Variants in APEH observed in about 807,000 individuals in gnomAD.
APEH encodes the protein acylaminoacyl-peptide hydrolase.
In APEH, 75 loss-of-function variants were observed where a neutral mutation model predicts 102.7. The ratio of observed to expected loss-of-function variants is 0.73; its 90% confidence interval spans 0.61 to 0.89. The LOEUF is 0.89. APEH is among the 40% of genes least tolerant of loss of function. The pLI, the probability that APEH is intolerant of heterozygous loss-of-function variation, is 0.00. For missense variants in APEH, 863 were observed against 941.2 expected (o/e 0.92, Z 1.09); for synonymous variants, 344 against 362.7 (o/e 0.95, Z 0.59).
rs770263390 is a variant in APEH, at chr3:49,674,602, A to G, written c.126A>G (p.Gln42=). The change falls in exon 2 of 22, where the codon CAA becomes CAG. Residue 42 remains glutamine (Q), a synonymous_variant. Transcript: ENST00000296456. ...GPEVTTQYGG[Q]YRTVHTEWTQ... ...AGGTCACCACGCAGTACGGCGGCCAATACCGGACGGTGCACACTGGTGTGT... is the reference window on the plus strand; with the variant it reads ...AGGTCACCACGCAGTACGGCGGCCAGTACCGGACGGTGCACACTGGTGTGT... The G allele has an allele frequency of 7.6e-6, 12 of 1,584,310 alleles. No individual in the cohort carries two copies. Among genetic ancestry groups the G allele is most frequent in the South Asian group, 2.3e-5 (2 of 88,418 alleles).
At position 49,681,257 on chromosome 3, in the gene APEH, C is replaced by G. The variant is rs757576799; in HGVS notation, c.1438+18C>G. On this transcript the variant is annotated intron_variant, in intron 15 of 21. Coordinates refer to ENST00000296456, the MANE Select transcript of APEH (RefSeq NM_001640.4). Reference sequence around the variant, plus strand: ...GCAGTATGGTGAGCTGGGCCAGGGGCAGAGGGATGCCTTCTCCAGGTTCCC... The same window carrying G: ...GCAGTATGGTGAGCTGGGCCAGGGGGAGAGGGATGCCTTCTCCAGGTTCCC... 1.3e-6 allele frequency: 2 copies of G among 1,530,980 alleles called. No homozygotes were observed. Among genetic ancestry groups the G allele is most frequent in the South Asian group, 2.5e-5 (2 of 79,684 alleles). The allele number at this position is 1,530,980 out of a possible 1,614,324, so 94.8% of individuals were successfully genotyped here. A position where few individuals can be genotyped will look rare whatever the true frequency, so the allele number is the denominator to read the frequency against.
Position 49,680,550 on chromosome 3 carries a change from G to C in APEH, c.1220G>C (p.Gly407Ala), listed in dbSNP as rs148997471. 33 of 1,613,982 alleles carry C rather than the reference G, an allele frequency of 2.0e-5. No individual in the cohort carries two copies. Among genetic ancestry groups the C allele is most frequent in the Non-Finnish European group, 2.5e-5 (30 of 1,180,018 alleles). ...CATCTGCCTTTTCCAGGAGGGTCAG[G>C]TGGGAGCTGGAAGTTGCTCACAATT... Reference protein sequence around the residue: ...TVTSLTAGGSGGSWKLLTIDQ... With the variant: ...TVTSLTAGGSAGSWKLLTIDQ... Residue 407 changes from glycine (G) to alanine (A), a missense_variant, in exon 14 of 22, where the codon GGT becomes GCT. Physicochemically the swap from Gly to Ala is moderately conservative, Grantham distance 60. Coordinates refer to ENST00000296456, the MANE Select transcript of APEH (RefSeq NM_001640.4).
chr3:49,681,576 G>C, intron 15 of APEH, 146 bp from the exon 16 acceptor site: 6 of 733,006 alleles, frequency 8.2e-6, no homozygotes, highest in Non-Finnish European at 1.3e-5. Flanking sequence ...AGAAGTATGA[G>C]CCTTCTGGGG....
chr3:49,680,352 A>G (rs2108125430), intron 13 of APEH, 189 bp from the exon 14 acceptor site: 1 of 576,658 alleles, frequency 1.7e-6, no homozygotes, highest in South Asian at 1.9e-5. Flanking sequence ...AGTGTCTGTC[A>G]GATGAACAAC....
At position 49,679,604 on chromosome 3, in the gene APEH, T is replaced by C. The variant is rs2053228067; in HGVS notation, c.1170T>C (p.Ala390=). 1 of 1,613,920 alleles carries C rather than the reference T, an allele frequency of 6.2e-7. No individual in the cohort carries two copies. ...SAQRSRQDLF[A]VDTQVGTVTS... ...TGCCTCTGCTTCAGGACCTGTTTGC[T>C]GTGGACACCCAAGTGGGCACTGTGA... The change falls in exon 13 of 22, where the codon GCT becomes GCC. Residue 390 remains alanine (A), a synonymous_variant. Transcript: ENST00000296456. The surrounding 1 kb of genome is among the most constrained non-coding windows in gnomAD (Gnocchi z 4.3).
At chr3:49,682,776 C>T in intron 19 of APEH, 40 bp downstream of exon 19, 1 of 1,613,552 alleles carries the variant, frequency 6.2e-7, no homozygotes, top group Non-Finnish European at 8.5e-7. Flanking sequence ...CCCTCCTCTA[C>T]CTCAAATTCT....
intron 10 of APEH, 111 bp from the exon 11 acceptor site, chr3:49,677,462 G>A: frequency 1.0e-6 from 1 of 982,018 alleles, no homozygotes; most frequent in Non-Finnish European, 1.6e-6. Flanking sequence ...GCTTATTCCA[G>A]TTCCCCCATC....
At position 49,676,922 on chromosome 3, in the gene APEH, C is replaced by G; in HGVS notation, c.897C>G (p.Ser299=). ...GGKCELLSDD[S]LAVSSPRLSP... is the part of the protein sequence containing the mutation. ...GCCCAGAGCTCCTCTCGGATGACTC[C>G]CTGGCTGTCTCTTCTCCCCGGCTGA... The change falls in exon 10 of 22, where the codon TCC becomes TCG. Residue 299 remains serine, a synonymous_variant. Coordinates refer to ENST00000296456, the MANE Select transcript of APEH (RefSeq NM_001640.4). 6.2e-7 allele frequency: 1 copy of G among 1,614,190 alleles called. No individual in the cohort carries two copies. Among genetic ancestry groups the G allele is most frequent in the East Asian group, 2.2e-5 (1 of 44,886 alleles).
intron 2 of APEH, 130 bp downstream of exon 2, chr3:49,674,751 C>T (rs771857004): frequency 6.7e-5 from 86 of 1,278,020 alleles, no homozygotes; most frequent in Non-Finnish European, 8.9e-5. Flanking sequence ...TTGGAGGTTA[C>T]ACTCCCACAG....
At chr3:49,674,092 T>C, upstream of APEH, 1 of 455,594 alleles carries the variant, frequency 2.2e-6, no homozygotes, top group Non-Finnish European at 3.9e-6. Flanking sequence ...TCCTCCGAGA[T>C]CCAACGCCTC....
intron 17 of APEH, 123 bp downstream of exon 17, chr3:49,682,090 T>A: frequency 8.7e-7 from 1 of 1,145,818 alleles, no homozygotes; most frequent in Non-Finnish European, 1.3e-6. Flanking sequence ...CTAGACCTAG[T>A]AACCACTACC....
In APEH at chr3:49,683,381, C is replaced by G; in HGVS notation, c.*39C>G. ...TGCATGAGCTGATCAGCCTGTGCCA[C>G]ACTTCGCTCTTGAGGAGCTCAACGG... is the stretch of plus-strand genomic sequence containing the variant. On this transcript the variant is annotated 3_prime_UTR_variant, in exon 22 of 22. Transcript: ENST00000296456. 1 of 1,555,930 alleles carries G rather than the reference C, an allele frequency of 6.4e-7. No homozygotes were observed. Among genetic ancestry groups the G allele is most frequent in the Non-Finnish European group, 8.9e-7 (1 of 1,127,878 alleles).
At position 49,682,511 on chromosome 3, in the gene APEH, C is replaced by T. The variant is rs9822349; in HGVS notation, c.1693-35C>T. On this transcript the variant is annotated intron_variant, in intron 18 of 21. Transcript: ENST00000296456. ...GGATGCCTCCATTCAGCTGAGCGGG[C>T]AGCTGGCTGCAGCATGCTTTGTCCC... 2.4e-3 allele frequency: 3,933 copies of T among 1,613,190 alleles called. 84 individuals are homozygous for T. In the African/African-American group the frequency reaches 0.039, roughly 16 times the overall value.
At chr3:49,674,759 C>T in intron 2 of APEH, 138 bp downstream of exon 2, 2 of 1,216,824 alleles carry the variant, frequency 1.6e-6, no homozygotes, top group Non-Finnish European at 2.3e-6. Flanking sequence ...TACACTCCCA[C>T]AGGTCCCTGC....
Position 49,680,640 on chromosome 3 carries a change from G to C in APEH, c.1299+11G>C, listed in dbSNP as rs781491558. On this transcript the variant is annotated intron_variant, in intron 14 of 21. Transcript: ENST00000296456. ...CTACCTCCAACCCTGGTGAGTGTCGGTGGGTCCCAGGCTGTGGAGGCAGGG... is the reference window on the plus strand; with the variant it reads ...CTACCTCCAACCCTGGTGAGTGTCGCTGGGTCCCAGGCTGTGGAGGCAGGG... 10 of 1,612,442 alleles carry C rather than the reference G, an allele frequency of 6.2e-6. No individual in the cohort carries two copies. The highest frequency in any genetic ancestry group is 8.5e-6 in the Non-Finnish European group (10 of 1,178,690).
intron 17 of APEH, 41 bp from the exon 18 acceptor site, chr3:49,682,307 A>C: frequency 1.3e-6 from 2 of 1,548,754 alleles, no homozygotes; most frequent in Non-Finnish European, 1.8e-6. Context: ...GGGGCTGGGA[A>C]TGTTGCCTGA....
intron 17 of APEH, among the ~76,000 whole-genome samples, 184 bp from the exon 18 acceptor site, chr3:49,682,164 T>G (rs2053356561): frequency 6.6e-6 from 1 of 152,234 alleles, no homozygotes; most frequent in Non-Finnish European, 1.5e-5. Flanking sequence ...AACTCGGGAC[T>G]TCCAAGGAAA....
At chr3:49,680,694 A>G in intron 14 of APEH, 65 bp downstream of exon 14, 4 of 1,438,694 alleles carry the variant, frequency 2.8e-6, no homozygotes, top group Non-Finnish European at 3.9e-6. Context: ...TCACCAGGTC[A>G]GGGAATTGGC....
chr3:49,674,542 C>T lies in APEH; in HGVS notation c.66C>T (p.Arg22=). 1 of 1,565,290 alleles carries T rather than the reference C, an allele frequency of 6.4e-7. No homozygotes were observed. The highest frequency in any genetic ancestry group is 8.6e-7 in the Non-Finnish European group (1 of 1,164,162). Residue 22 remains arginine (R), a synonymous_variant, in exon 2 of 22, where the codon CGC becomes CGT. Coordinates refer to ENST00000296456, the MANE Select transcript of APEH (RefSeq NM_001640.4). ...EAAALYRGLS[R]QPALSAACLG... ...CGGCTCTGTATCGGGGCCTTAGCCG[C>T]CAGCCCGCGCTGAGCGCCGCCTGCC...
Sources: allele counts gnomAD v4.1 joint callset (sites outside exome capture counted in the v4.1 genomes callset), GRCh38; gene constraint gnomAD v4.1.1; non-coding constraint Gnocchi (gnomAD v3.1); transcripts MANE v1.5; gene names NCBI Gene and HGNC (gene_info 2026-07-23, HGNC 2026-07-21).